The following RNF32 variants were observed in gnomAD, a reference collection of about 807,000 sequenced individuals.
The protein encoded by RNF32 is ring finger protein 32.
In RNF32, 36 loss-of-function variants were observed where a neutral mutation model predicts 41.0. The ratio of observed to expected loss-of-function variants is 0.88; its 90% CI spans 0.67 to 1.16. The LOEUF (loss-of-function observed/expected upper bound fraction) is 1.16. Among genes scored for constraint, RNF32 ranks in the 50% most tolerant of loss-of-function variants. The pLI is 0.00. For missense variants in RNF32, 413 were observed against 436.7 expected (o/e 0.95, Z 0.48); for synonymous variants, 154 against 160.9 (o/e 0.96, Z 0.32).
At position 156,658,154 on chromosome 7, in the gene RNF32, C is replaced by A; in HGVS notation, c.477C>A (p.Phe159Leu). The change falls in exon 6 of 9, where the codon TTC becomes TTA. Residue 159 changes from phenylalanine to leucine, a missense_variant. Phe to Leu is a conservative substitution (Grantham distance 22, BLOSUM62 0). Coordinates refer to ENST00000317955, the MANE Select transcript of RNF32 (RefSeq NM_030936.4). ...HKACLQAFEKFTNKKTCPLCR... is the reference protein window; with the variant it reads ...HKACLQAFEKLTNKKTCPLCR... ...CATGTCTTCAGGCTTTTGAAAAGTT[C>A]ACAAATAAGAAAACCTGTCCTCTCT... The A allele has an allele frequency of 6.2e-7, 1 of 1,613,946 alleles. No individual in the cohort carries two copies. The highest frequency in any genetic ancestry group is 1.1e-5 in the South Asian group (1 of 91,054).
chr7:156,658,624 T>G lies in RNF32; in HGVS notation c.684+54T>G, dbSNP rs569519936. 5 of 1,211,702 alleles carry G rather than the reference T, an allele frequency of 4.1e-6. No homozygotes were observed. In the South Asian group the frequency reaches 5.0e-5, roughly 12 times the overall value. The allele number at this position is 1,211,702 out of a possible 1,614,324, so 75.1% of individuals were successfully genotyped here. Reference sequence around the variant, plus strand: ...TATGGTCTCCGTGCGGGTGGTTCACTTGGGGTCAGGAAGGCTAACAGAGGT... The same window carrying G: ...TATGGTCTCCGTGCGGGTGGTTCACGTGGGGTCAGGAAGGCTAACAGAGGT... On this transcript the variant is annotated intron_variant, in intron 7 of 8. Coordinates refer to ENST00000317955, the MANE Select transcript of RNF32 (RefSeq NM_030936.4).
chr7:156,654,454 TA>T (rs1467023988), intron 3 of RNF32, 121 bp from the exon 4 acceptor site: 188 of 779,732 alleles, frequency 2.4e-4, no homozygotes, highest in Non-Finnish European at 3.1e-4. Flanking sequence ...TATTGTGAAA[TA>T]AAGTATGTGA....
Position 156,644,675 on chromosome 7 carries a change from TAAAAA to T in RNF32, c.195_199del (p.Lys65AsnfsTer17). 1.2e-6 allele frequency: 2 copies of T among 1,613,208 alleles called. No individual in the cohort carries two copies. Among genetic ancestry groups the T allele is most frequent in the Non-Finnish European group, 1.7e-6 (2 of 1,179,512 alleles). The stretch of plus-strand genomic sequence containing the variant: ...CAAAGGCAATAATAGATACTGGACT[TAAAAA>T]AACTACACAGTGCCCCAAACTAGAA... On this transcript the variant is annotated frameshift_variant, in exon 3 of 9. Transcript: ENST00000317955. LOFTEE classifies it high-confidence loss of function.
In RNF32 at chr7:156,643,725, T is replaced by TA. The variant is rs1435785420; in HGVS notation, c.-77-75dup. 2.9e-5 allele frequency: 21 copies of TA among 725,122 alleles called. No individual in the cohort carries two copies. The East Asian group carries it at 4.7e-4, about 16-fold the overall frequency. The allele number at this position is 725,122 out of a possible 1,614,324, so 44.9% of individuals were successfully genotyped here. A position where few individuals can be genotyped will look rare whatever the true frequency, so the allele number is the denominator to read the frequency against. The stretch of plus-strand genomic sequence containing the variant: ...GCTGCTTCAGGATCTGTTAGACTCT[T>TA]ACAGAGCATCCTCACAAACTTCATG... On this transcript the variant is annotated intron_variant, in intron 1 of 8. Transcript: ENST00000317955.
At position 156,675,673 on chromosome 7, in the gene RNF32, ACCCGCC is replaced by A; in HGVS notation, c.685-16_685-11del. 7.2e-7 allele frequency: 1 copy of A among 1,395,304 alleles called. No individual in the cohort carries two copies. The highest frequency in any genetic ancestry group is 1.0e-6 in the Non-Finnish European group (1 of 981,742). 86.4% of individuals were successfully genotyped at this position (1,395,304 alleles called of 1,614,324 possible). On this transcript the variant is annotated splice_polypyrimidine_tract_variant and intron_variant, in intron 7 of 8. Transcript: ENST00000317955. ...CTCCACCGAGCTCAGGTGTGAGCTT[ACCCGCC>A]CCCGCCTCCTCCTCAGTTCACAGAA...
chr7:156,666,799 A>T (rs1037652127), intron 7 of RNF32, among the ~76,000 whole-genome samples: 4 of 152,184 alleles, frequency 2.6e-5, no homozygotes, highest in Admixed American at 6.5e-5. Flanking sequence ...GCTAGGCCTG[A>T]CTGCCTTTGA....
At chr7:156,671,321 G>A (rs745458629) in intron 7 of RNF32, among the ~76,000 whole-genome samples, 73 of 152,204 alleles carry the variant, frequency 4.8e-4, no homozygotes, top group Non-Finnish European at 9.7e-4. Context: ...GCCTGAAAAC[G>A]CGAACAGTGT....
chr7:156,641,299 T>A (rs778225578), intron 1 of RNF32, among the ~76,000 whole-genome samples: 8 of 152,226 alleles, frequency 5.3e-5, no homozygotes, highest in Non-Finnish European at 1.2e-4. Flanking sequence ...GTATTTTTAT[T>A]GAGCGTGTTT....
intron 2 of RNF32, 139 bp from the exon 3 acceptor site, chr7:156,644,360 G>A: frequency 2.9e-6 from 2 of 683,370 alleles, no homozygotes; most frequent in East Asian, 2.7e-5. Flanking sequence ...CTCCTACTTA[G>A]GTAACAATGA....
At chr7:156,675,056 G>C (rs983741825) in intron 7 of RNF32, among the ~76,000 whole-genome samples, 2 of 152,216 alleles carry the variant, frequency 1.3e-5, no homozygotes, top group African/African-American at 4.8e-5. Context: ...GATTTACTTA[G>C]TAAGTCCCAT....
Position 156,669,662 on chromosome 7 carries a change from C to A in RNF32, c.685-6034C>A, listed in dbSNP as rs947070268. ...TGAACACTGGAAACTGCCCTCAGAG[C>A]CCCGGGGATGCGAGGTCAGCAGCTG... On this transcript the variant is annotated intron_variant, in intron 7 of 8. Transcript: ENST00000317955. The surrounding 1 kb of genome is among the most constrained non-coding windows in gnomAD (Gnocchi z 4.2). 2.0e-5 allele frequency among the ~76,000 whole-genome samples: 3 copies of A among 152,174 alleles called. No individual in the cohort carries two copies. Among genetic ancestry groups the A allele is most frequent in the African/African-American group, 7.2e-5 (3 of 41,436 alleles).
Position 156,676,448 on chromosome 7 carries a change from C to T in RNF32, c.882C>T (p.Ser294=). ...TGCGCCGGGAGACCCACGAGTGCTC[C>T]ATCTGCCTGGCCCCTCTCTCCGCTG... ...QALRRETHEC[S]ICLAPLSAAG... is the part of the protein sequence containing the mutation. Residue 294 remains serine, a synonymous_variant, in exon 9 of 9, where the codon TCC becomes TCT. Coordinates refer to ENST00000317955, the MANE Select transcript of RNF32 (RefSeq NM_030936.4). The T allele has an allele frequency of 6.2e-7, 1 of 1,614,074 alleles. No individual in the cohort carries two copies. The highest frequency in any genetic ancestry group is 8.5e-7 in the Non-Finnish European group (1 of 1,179,968).
chr7:156,643,876 G>A lies in RNF32; in HGVS notation c.-2G>A, dbSNP rs1204136026. On this transcript the variant is annotated 5_prime_UTR_variant, in exon 2 of 9. Transcript: ENST00000317955. Reference sequence around the variant, plus strand: ...CCAAGCAACAACTTTTCCTAATTCGGCATGTTAAAAAATAAGGTACGCTAT... The same window carrying A: ...CCAAGCAACAACTTTTCCTAATTCGACATGTTAAAAAATAAGGTACGCTAT... The A allele has an allele frequency of 6.2e-7, 1 of 1,611,504 alleles. No homozygotes were observed. Among genetic ancestry groups the A allele is most frequent in the South Asian group, 1.1e-5 (1 of 90,928 alleles).
rs757503238 is a variant in RNF32, at chr7:156,676,316, G to A, written c.853-103G>A. Reference sequence around the variant, plus strand: ...ACAGAATGAAACTTCCGCATGTTTCGAAGACCCATGTCTCGGGGCACATGG... The same window carrying A: ...ACAGAATGAAACTTCCGCATGTTTCAAAGACCCATGTCTCGGGGCACATGG... On this transcript the variant is annotated intron_variant, in intron 8 of 8. Transcript: ENST00000317955. 1.7e-5 allele frequency: 27 copies of A among 1,611,480 alleles called. 2 individuals are homozygous for A. The highest frequency in any genetic ancestry group is 6.6e-5 in the South Asian group (6 of 90,784).
chr7:156,659,571 G>T, intron 7 of RNF32: 1 of 972,034 alleles, frequency 1.0e-6, no homozygotes, highest in African/African-American at 1.8e-5. Context: ...GTGATTTTTT[G>T]TCACCTCTTA....
In RNF32 at chr7:156,675,761, A is replaced by G. The variant is rs1230530829; in HGVS notation, c.750A>G (p.Glu250=). ...CCAACATTGAAGAGCTCTTTGCAGA[A>G]ATCGATCAGTGCTTGGCCATAAATC... ...YNTNIEELFA[E]IDQCLAINRS... Residue 250 remains glutamate (E), a synonymous_variant, in exon 8 of 9, where the codon GAA becomes GAG. Coordinates refer to ENST00000317955, the MANE Select transcript of RNF32 (RefSeq NM_030936.4). The G allele has an allele frequency of 6.2e-7, 1 of 1,614,138 alleles. No individual in the cohort carries two copies. The highest frequency in any genetic ancestry group is 8.5e-7 in the Non-Finnish European group (1 of 1,179,998).
intron 3 of RNF32, among the ~76,000 whole-genome samples, chr7:156,652,629 ACT>A (rs1397537800): frequency 1.3e-5 from 2 of 151,848 alleles, no homozygotes; most frequent in Non-Finnish European, 2.9e-5. Flanking sequence ...CGTCTTGATG[ACT>A]CTGACCCTGT....
At chr7:156,661,244 C>G (rs1800619382) in intron 7 of RNF32, among the ~76,000 whole-genome samples, 1 of 152,070 alleles carries the variant, frequency 6.6e-6, no homozygotes, top group African/African-American at 2.4e-5. Context: ...CCCATCGTGG[C>G]CAGAAATTCC....
At chr7:156,675,902 C>A in intron 8 of RNF32, 39 bp downstream of exon 8, 1 of 1,592,648 alleles carries the variant, frequency 6.3e-7, no homozygotes. Context: ...GCAGACTCAG[C>A]TGCAGCTGCA....
Sources: gnomAD v4.1 joint callset for allele counts (sites outside exome capture counted in the v4.1 genomes callset) on GRCh38, gnomAD v4.1.1 for gene constraint, Gnocchi (gnomAD v3.1) non-coding constraint, MANE v1.5 for transcripts, NCBI Gene and HGNC (gene_info 2026-07-23, HGNC 2026-07-21) for gene names.